Variants in PTPRD observed in about 807,000 individuals in gnomAD.
The protein encoded by PTPRD is protein tyrosine phosphatase receptor type D.
In PTPRD, 34 loss-of-function variants were observed where a neutral mutation model predicts 214.5. The ratio of observed to expected loss-of-function variants is 0.16; its 90% CI spans 0.12 to 0.21. The LOEUF (loss-of-function observed/expected upper bound fraction) is 0.21. Ranked by LOEUF, PTPRD falls within the 10% of genes least tolerant of loss-of-function variation. The pLI, the probability that PTPRD is intolerant of heterozygous loss-of-function variation, is 1.00. For missense variants in PTPRD, 2,545 were observed against 2,398.7 expected, an observed-to-expected ratio of 1.06 and a Z score of -1.27; for synonymous variants, 1,128 against 845.7, an observed-to-expected ratio of 1.33 and a Z score of -5.79.
At chr9:9,680,786 A>T (rs2097051599) in intron 7 of PTPRD, among the ~76,000 whole-genome samples, 1 of 151,522 alleles carries the variant, frequency 6.6e-6, no homozygotes, top group African/African-American at 2.4e-5. Context: ...GAAAAAAAAA[A>T]TTGCTGCTTG....
At position 9,088,333 on chromosome 9, in the gene PTPRD, G is replaced by A. The variant is rs565658624; in HGVS notation, c.-142-69598C>T. Among the ~76,000 whole-genome samples the A allele has an allele frequency of 3.1e-4, 47 of 151,554 alleles. 1 individual carries two copies. In the South Asian group the frequency reaches 9.0e-3, roughly 29 times the overall value. ...CCGGGTGCGGTGGCTCACGCCTGTG[G>A]TCCCAGCACTTTGGGAGGCCGAGGC... On this transcript the variant is annotated intron_variant, in intron 10 of 45. Transcript: ENST00000381196.
chr9:10,536,969 A>G (rs969248190), intron 2 of PTPRD, among the ~76,000 whole-genome samples: 8 of 152,170 alleles, frequency 5.3e-5, no homozygotes, highest in Non-Finnish European at 2.9e-5. Flanking sequence ...ATTCAAATGA[A>G]AGCTTCAAAG....
intron 5 of PTPRD, among the ~76,000 whole-genome samples, chr9:9,929,333 C>T (rs916437013): frequency 2.6e-5 from 4 of 152,172 alleles, no homozygotes; most frequent in African/African-American, 7.2e-5. Flanking sequence ...TTCCTCTATA[C>T]CCCTTGCTAT....
In PTPRD at chr9:10,594,093, T is replaced by C. The variant is rs186417095; in HGVS notation, c.-600+18305A>G. 1.3e-3 allele frequency among the ~76,000 whole-genome samples: 199 copies of C among 152,144 alleles called. 1 individual carries two copies. Among genetic ancestry groups the C allele is most frequent in the African/African-American group, 4.6e-3 (193 of 41,552 alleles). On this transcript the variant is annotated intron_variant, in intron 2 of 45. Coordinates refer to ENST00000381196, the MANE Select transcript of PTPRD (RefSeq NM_002839.4). ...CATCTTTTCTACTTATTTTAAATCA[T>C]TTATTTCAGTTGCTTTCCCCTTCCA...
intron 9 of PTPRD, among the ~76,000 whole-genome samples, chr9:9,198,647 A>G (rs1262953187): frequency 6.6e-6 from 1 of 152,176 alleles, no homozygotes; most frequent in Non-Finnish European, 1.5e-5. Flanking sequence ...CATCAGCTCA[A>G]ATGCAAACTT....
intron 12 of PTPRD, among the ~76,000 whole-genome samples, chr9:8,710,846 A>G (rs940307798): frequency 6.6e-6 from 1 of 152,186 alleles, no homozygotes; most frequent in African/African-American, 2.4e-5. Context: ...TCACAGAATT[A>G]TTCTCAGGAT....
chr9:9,232,976 T>C (rs2099964069), intron 9 of PTPRD, among the ~76,000 whole-genome samples: 1 of 152,048 alleles, frequency 6.6e-6, no homozygotes. Context: ...GAGATGGGTG[T>C]AAGGAAATTC....
Position 10,394,215 on chromosome 9 carries a change from T to A in PTPRD, c.-599-53198A>T, listed in dbSNP as rs529536862. Among the ~76,000 whole-genome samples the A allele has an allele frequency of 6.1e-5, 9 of 146,620 alleles. No homozygotes were observed. The East Asian group carries it at 1.8e-3, about 29-fold the overall frequency. On this transcript the variant is annotated intron_variant, in intron 2 of 45. Coordinates refer to ENST00000381196, the MANE Select transcript of PTPRD (RefSeq NM_002839.4). ...ATATATATAAAGATAATATATAATA[T>A]ATATTTCTATTTCTATTATATATAA...
At chr9:9,544,523 A>G (rs1340374369) in intron 8 of PTPRD, among the ~76,000 whole-genome samples, 1 of 151,650 alleles carries the variant, frequency 6.6e-6, no homozygotes, top group East Asian at 1.9e-4. Flanking sequence ...CAATGATGCT[A>G]AAAGCAGTTT....
At chr9:9,762,606 A>G (rs2098668588) in intron 6 of PTPRD, among the ~76,000 whole-genome samples, 1 of 152,204 alleles carries the variant, frequency 6.6e-6, no homozygotes, top group Non-Finnish European at 1.5e-5. Context: ...ACACTAGAAC[A>G]CTATTCAGCC....
At chr9:9,278,726 C>A (rs2133398462) in intron 9 of PTPRD, among the ~76,000 whole-genome samples, 1 of 151,454 alleles carries the variant, frequency 6.6e-6, no homozygotes, top group African/African-American at 2.4e-5. Flanking sequence ...TCTGAGTTTT[C>A]ATTTTCTCAT....
intron 9 of PTPRD, among the ~76,000 whole-genome samples, chr9:9,301,432 A>T (rs1955250177): frequency 6.6e-6 from 1 of 151,910 alleles, no homozygotes; most frequent in African/African-American, 2.4e-5. Context: ...GTGGCACAGA[A>T]CTAGACTGAG....
intron 11 of PTPRD, among the ~76,000 whole-genome samples, chr9:8,848,136 T>C (rs936339629): frequency 6.6e-6 from 1 of 151,862 alleles, no homozygotes; most frequent in Non-Finnish European, 1.5e-5. Flanking sequence ...ACTGGCAGAA[T>C]AGGATAAAAT....
intron 9 of PTPRD, among the ~76,000 whole-genome samples, chr9:9,196,819 C>T (rs1191862137): frequency 2.0e-5 from 3 of 152,108 alleles, no homozygotes; most frequent in Non-Finnish European, 4.4e-5. Context: ...CTGATAAGGA[C>T]CTGGCCTGCT....
chr9:9,086,965 T>C (rs76364466), intron 10 of PTPRD, among the ~76,000 whole-genome samples: 3,258 of 152,130 alleles, frequency 0.021, 114 homozygotes, highest in African/African-American at 0.075. Flanking sequence ...AGAGAAATAA[T>C]GAAAAACAGT....
At chr9:10,357,287 C>CCAT (rs1462235160) in intron 2 of PTPRD, among the ~76,000 whole-genome samples, 1 of 152,098 alleles carries the variant, frequency 6.6e-6, no homozygotes, top group Non-Finnish European at 1.5e-5. Context: ...TTTGATTTAA[C>CCAT]CATCACAAAA....
intron 3 of PTPRD, among the ~76,000 whole-genome samples, chr9:10,119,422 G>T (rs536637474): frequency 2.1e-4 from 32 of 152,114 alleles, no homozygotes; most frequent in Non-Finnish European, 3.4e-4. Flanking sequence ...GCATTCTAGA[G>T]TGTAGTACAT....
chr9:10,125,632 G>GTGT (rs1442969432), intron 3 of PTPRD, among the ~76,000 whole-genome samples: 1 of 149,694 alleles, frequency 6.7e-6, no homozygotes, highest in Non-Finnish European at 1.5e-5. Context: ...TTGTGTGTGT[G>GTGT]TGTGTGTGTG....
At chr9:9,533,026 A>T (rs2031657) in intron 8 of PTPRD, among the ~76,000 whole-genome samples, 24,764 of 152,182 alleles carry the variant, frequency 0.16, 2,226 homozygotes, top group Middle Eastern at 0.2. Context: ...GAGATGCTCA[A>T]CATCCTTGGC....
Sources: allele counts gnomAD v4.1 joint callset (sites outside exome capture counted in the v4.1 genomes callset), GRCh38; gene constraint gnomAD v4.1.1; transcripts MANE v1.5; gene names NCBI Gene and HGNC (gene_info 2026-07-23, HGNC 2026-07-21).